The following CFAP70 variants were observed in gnomAD, a reference collection of about 807,000 sequenced individuals.
The protein encoded by CFAP70 is cilia and flagella associated protein 70.
CFAP70 carries 81 observed loss-of-function variants against 137.6 expected under a neutral mutation model. The observed-to-expected ratio is 0.59, with a 90% CI of 0.49 to 0.71. The LOEUF is 0.71. Among genes scored for constraint, CFAP70 ranks in the 30% least tolerant of loss-of-function variants. The probability of loss-of-function intolerance (pLI) is 0.00; values close to 1 mark genes in which losing one functional copy is unlikely to be tolerated. For synonymous variants in CFAP70, 382 were observed against 423.6 expected, an observed-to-expected ratio of 0.90 and a Z score of 1.20; for missense variants, 976 against 1,226.7, an observed-to-expected ratio of 0.80 and a Z score of 3.05.
chr10:73,256,655 G>A (rs2044532338), intron 25 of CFAP70, among the ~76,000 whole-genome samples: 1 of 151,806 alleles, frequency 6.6e-6, no homozygotes, highest in African/African-American at 2.4e-5. Flanking sequence ...CATAATCCCA[G>A]CACTTTGGGA....
rs185595873 is a variant in CFAP70, at chr10:73,326,663, C to T, written c.778-3566G>A. Among the ~76,000 whole-genome samples, 1,699 of 151,710 alleles carry T rather than the reference C, an allele frequency of 0.011. 74 individuals are homozygous for T. The East Asian group carries it at 0.13, about 12-fold the overall frequency. On this transcript the variant is annotated intron_variant, in intron 8 of 26. Transcript: ENST00000310715. ...AAAATGATAAAGGGGATATCACCAC[C>T]GATCCCACAGAGATACAAACTACCA...
intron 4 of CFAP70, among the ~76,000 whole-genome samples, chr10:73,346,390 C>T (rs2132469376): frequency 6.6e-6 from 1 of 151,576 alleles, no homozygotes; most frequent in Admixed American, 6.6e-5. Flanking sequence ...AATCCCAGCA[C>T]TTTGGGAGGC....
intron 19 of CFAP70, among the ~76,000 whole-genome samples, chr10:73,278,553 A>C (rs2046973714): frequency 6.6e-6 from 1 of 152,226 alleles, no homozygotes; most frequent in Non-Finnish European, 1.5e-5. Flanking sequence ...TCCCCAGTAC[A>C]ACCATGCTGC....
At chr10:73,312,477 T>C (rs1446599468) in exon 10 of CFAP70, 1 of 1,589,118 alleles carries the variant, frequency 6.3e-7, no homozygotes, top group Non-Finnish European at 8.5e-7. Context: ...ACCTACCACA[T>C]CCCCAGGCCT....
At chr10:73,269,302 G>A (rs2046045606) in intron 25 of CFAP70, among the ~76,000 whole-genome samples, 1 of 152,192 alleles carries the variant, frequency 6.6e-6, no homozygotes, top group Non-Finnish European at 1.5e-5. Context: ...TCAATGGGAA[G>A]AAATGATTCA....
At chr10:73,269,522 C>A (rs1233033414) in intron 25 of CFAP70, 92 bp downstream of exon 26, 9 of 797,780 alleles carry the variant, frequency 1.1e-5, no homozygotes, top group Non-Finnish European at 1.9e-5. Context: ...TTTCAGCTAC[C>A]ATGCATTAAT....
chr10:73,260,399 A>AT (rs924780480), intron 25 of CFAP70, among the ~76,000 whole-genome samples: 10 of 150,484 alleles, frequency 6.6e-5, no homozygotes, highest in East Asian at 5.8e-4. Context: ...TAAGGAACTA[A>AT]TTTTTTTTTT....
chr10:73,335,745 A>G (rs899728060), intron 6 of CFAP70, among the ~76,000 whole-genome samples: 9 of 152,116 alleles, frequency 5.9e-5, no homozygotes, highest in African/African-American at 1.4e-4. Context: ...TAATAGTTAC[A>G]TTGATCCAGT....
chr10:73,331,144 C>CT (rs752901158), intron 8 of CFAP70, 33 bp downstream of exon 9: 1 of 1,482,300 alleles, frequency 6.7e-7, no homozygotes, highest in Non-Finnish European at 9.3e-7. Flanking sequence ...TTCTACATTT[C>CT]TTATATAAAT....
intron 7 of CFAP70, among the ~76,000 whole-genome samples, chr10:73,333,549 T>C (rs997116223): frequency 2.6e-5 from 4 of 151,822 alleles, no homozygotes; most frequent in African/African-American, 9.7e-5. Context: ...GGATTAGAAA[T>C]ACATTGGACT....
At chr10:73,320,023 T>C (rs1210799924) in intron 9 of CFAP70, among the ~76,000 whole-genome samples, 1 of 152,224 alleles carries the variant, frequency 6.6e-6, no homozygotes, top group Non-Finnish European at 1.5e-5. Context: ...AGGAAACTAC[T>C]GTATTTCAGA....
chr10:73,294,614 T>C (rs2048403063), intron 15 of CFAP70: 1 of 152,234 alleles, frequency 6.6e-6, no homozygotes. Flanking sequence ...AATCTATGTA[T>C]TTGTCTTTGC....
rs373221982 is a variant in CFAP70, at chr10:73,269,266, A to G, written c.3027+348T>C. Among the ~76,000 whole-genome samples, 39 of 152,284 alleles carry G rather than the reference A, an allele frequency of 2.6e-4. No individual in the cohort carries two copies. The East Asian group carries it at 7.0e-3, about 27-fold the overall frequency. ...CTCCACCCAATATCCCATCTAAATC[A>G]AGGACAAGCACCCTCAGCCAGCATT... On this transcript the variant is annotated intron_variant, in intron 25 of 26. Transcript: ENST00000310715.
At chr10:73,336,037 A>G (rs1051881591) in intron 6 of CFAP70, among the ~76,000 whole-genome samples, 7 of 151,954 alleles carry the variant, frequency 4.6e-5, no homozygotes, top group South Asian at 2.1e-4. Flanking sequence ...GCTACTCACG[A>G]GGCTGAGGCA....
chr10:73,322,837 A>T, intron 9 of CFAP70, 126 bp downstream of exon 10: 2 of 792,616 alleles, frequency 2.5e-6, no homozygotes, highest in Non-Finnish European at 3.7e-6. Context: ...AAGGCTATAT[A>T]TTTAATATCC....
At chr10:73,335,519 G>A (rs375148315) in exon 7 of CFAP70, 13 of 1,608,398 alleles carry the variant, frequency 8.1e-6, no homozygotes, top group South Asian at 2.2e-5. Flanking sequence ...TCCTAAATTC[G>A]CTGTCCTGTA....
At chr10:73,335,048 TTTC>T (rs761566030) in intron 7 of CFAP70, among the ~76,000 whole-genome samples, 1,937 of 146,418 alleles carry the variant, frequency 0.013, 24 homozygotes, top group Non-Finnish European at 0.022. Context: ...ACCAAACTAA[TTTC>T]TTCTTCTTCT....
rs1253458738 is a variant in CFAP70 at position 73,316,481 on chromosome 10, G to GATAT, written c.913-3842_913-3839dup. 2.3e-3 allele frequency among the ~76,000 whole-genome samples: 242 copies of GATAT among 106,512 alleles called. 2 individuals are homozygous for GATAT. The highest frequency in any genetic ancestry group is 0.011 in the East Asian group (28 of 2,444). The allele number at this position is 106,512 out of a possible 152,430, so 69.9% of individuals were successfully genotyped here. A position where few individuals can be genotyped will look rare whatever the true frequency, so the allele number is the denominator to read the frequency against. The stretch of plus-strand genomic sequence containing the variant: ...TTGTTGAGATATATATATATATATA[G>GATAT]ATATAGATATATATATATATATATA... On this transcript the variant is annotated intron_variant, in intron 9 of 26. Transcript: ENST00000310715.
At chr10:73,312,780 G>T in intron 9 of CFAP70, 137 bp from the exon 11 acceptor site, 2 of 750,952 alleles carry the variant, frequency 2.7e-6, no homozygotes, top group Non-Finnish European at 4.1e-6. Flanking sequence ...GGACTTGAAA[G>T]ACTTCATTGT....
Sources: allele counts gnomAD v4.1 joint callset (sites outside exome capture counted in the v4.1 genomes callset), GRCh38; gene constraint gnomAD v4.1.1; transcripts MANE v1.5; gene names NCBI Gene and HGNC (gene_info 2026-07-23, HGNC 2026-07-21).